Variants in SLC66A2 observed in about 807,000 individuals in gnomAD.
SLC66A2 encodes the protein PQ loop repeat containing 1.
In SLC66A2, 23 loss-of-function variants were observed where a neutral mutation model predicts 25.5. The observed-to-expected ratio is 0.90, with a 90% CI of 0.65 to 1.28. SLC66A2 has a LOEUF of 1.28. Among genes scored for constraint, SLC66A2 ranks in the 50% most tolerant of loss-of-function variants. SLC66A2 has a pLI of 0.00. For missense variants in SLC66A2, 396 were observed against 373.1 expected (o/e 1.06, Z -0.51); for synonymous variants, 193 against 166.5 (o/e 1.16, Z -1.23).
Position 79,950,893 on chromosome 18 carries a change from GCACCAGGAGC to G in SLC66A2, c.24_33del (p.Trp8CysfsTer74). On this transcript the variant is annotated frameshift_variant, in exon 2 of 6. Coordinates refer to ENST00000397778, the MANE Select transcript of SLC66A2 (RefSeq NM_025078.5). LOFTEE classifies it high-confidence loss of function. ...CCCCAGGACACCAGCTGGTGCAGTG[GCACCAGGAGC>G]CAGTCCAGGCCCTCGGCCTCCATCG... 6.3e-7 allele frequency: 1 copy of G among 1,596,092 alleles called. No homozygotes were observed. The highest frequency in any genetic ancestry group is 1.1e-5 in the South Asian group (1 of 89,216).
At chr18:79,913,811 C>A (rs1165009491) in intron 5 of SLC66A2, among the ~76,000 whole-genome samples, 1 of 152,210 alleles carries the variant, frequency 6.6e-6, no homozygotes, top group Non-Finnish European at 1.5e-5. Flanking sequence ...AGCATCTACG[C>A]CTCCCTCACC....
In SLC66A2 at chr18:79,919,263, G is replaced by A; in HGVS notation, c.529C>T (p.Leu177=). The A allele has an allele frequency of 1.9e-6, 3 of 1,613,332 alleles. No homozygotes were observed. The highest frequency in any genetic ancestry group is 2.5e-6 in the Non-Finnish European group (3 of 1,180,022). The change falls in exon 5 of 6, where the codon CTG becomes TTG. Residue 177 remains leucine (L), a synonymous_variant. Coordinates refer to ENST00000397778, the MANE Select transcript of SLC66A2 (RefSeq NM_025078.5). ...AGCATGGCTTCGGTCAGCACAGCCA[G>A]GAAGCCCAGGGTCTCCACAAACAGG... ...SALFVETLGF[L]AVLTEAMLGV... is the part of the protein sequence containing the mutation.
intron 5 of SLC66A2, among the ~76,000 whole-genome samples, chr18:79,908,645 A>C (rs1455449534): frequency 6.6e-6 from 1 of 152,160 alleles, no homozygotes; most frequent in Non-Finnish European, 1.5e-5. Context: ...AGATGACAGA[A>C]TATTAGACCC....
At chr18:79,951,242 C>A (rs2051115115) in intron 1 of SLC66A2, among the ~76,000 whole-genome samples, 2 of 151,258 alleles carry the variant, frequency 1.3e-5, no homozygotes, top group Non-Finnish European at 1.5e-5. Context: ...GCGCCGGGGT[C>A]GAGGACGGGC....
intron 3 of SLC66A2, among the ~76,000 whole-genome samples, chr18:79,938,222 C>T (rs1987302057): frequency 6.6e-6 from 1 of 152,084 alleles, no homozygotes; most frequent in African/African-American, 2.4e-5. Flanking sequence ...GGTCCAATCA[C>T]CCTCGGGACT....
chr18:79,950,813 C>T lies in SLC66A2; in HGVS notation c.114G>A (p.Arg38=). 1.9e-6 allele frequency: 3 copies of T among 1,613,000 alleles called. No individual in the cohort carries two copies. Among genetic ancestry groups the T allele is most frequent in the South Asian group, 1.1e-5 (1 of 91,076 alleles). Residue 38 remains arginine (R), a synonymous_variant, in exon 2 of 6, where the codon CGG becomes CGA. Transcript: ENST00000397778. ...GGVVPYVPQY[R]DIRRTQNADG... ...CGGCGTTCTGCGTCCTGCGAATGTC[C>T]CGATACTGCGGGACGTAGGGCACCA... is the stretch of plus-strand genomic sequence containing the variant.
At chr18:79,911,746 A>AGGGGACGGGAGCG (rs1464557579) in intron 5 of SLC66A2, among the ~76,000 whole-genome samples, 1 of 151,404 alleles carries the variant, frequency 6.6e-6, no homozygotes, top group African/African-American at 2.4e-5. Context: ...GGACGGGAGC[A>AGGGGACGGGAGCG]GGGAGGGGAC....
chr18:79,933,847 G>T, intron 4 of SLC66A2, 122 bp downstream of exon 4: 1 of 825,344 alleles, frequency 1.2e-6, no homozygotes, highest in Non-Finnish European at 2.0e-6. Flanking sequence ...TGTAGACTCG[G>T]CCACGCTTGG....
At chr18:79,925,786 TG>T (rs1985882372) in intron 4 of SLC66A2, among the ~76,000 whole-genome samples, 3 of 152,144 alleles carry the variant, frequency 2.0e-5, no homozygotes, top group Admixed American at 6.5e-5. Flanking sequence ...GAGAGCCTGG[TG>T]TAAGAGGATC....
At position 79,934,009 on chromosome 18, in the gene SLC66A2, C is replaced by A. The variant is rs1986830727; in HGVS notation, c.351G>T (p.Lys117Asn). ...RRRSFTAADS[K>N]DEEVKVAPRR... The stretch of plus-strand genomic sequence containing the variant: ...TGGGGGCAACCTTGACTTCTTCATC[C>A]TTGCTATCTGCAGCTACACGTTAAA... The change falls in exon 4 of 6, where the codon AAG (lysine) becomes AAT (asparagine). Residue 117 changes from lysine to asparagine, a missense_variant. Transcript: ENST00000397778. The A allele has an allele frequency of 1.1e-5, 18 of 1,612,582 alleles. No homozygotes were observed. Among genetic ancestry groups the A allele is most frequent in the Non-Finnish European group, 1.5e-5 (18 of 1,179,646 alleles).
rs1391937335 is a variant in SLC66A2 at position 79,941,887 on chromosome 18, G to C, written c.337+1442C>G. 6.6e-6 allele frequency: 1 copy of C among 151,808 alleles called. No homozygotes were observed. The highest frequency in any genetic ancestry group is 2.4e-5 in the African/African-American group (1 of 41,296). The allele number at this position is 151,808 out of a possible 1,614,324, so 9.4% of individuals were successfully genotyped here. A position where few individuals can be genotyped will look rare whatever the true frequency, so the allele number is the denominator to read the frequency against. On this transcript the variant is annotated intron_variant, in intron 3 of 5. Transcript: ENST00000397778. This position sits in a 1 kb window ranked among gnomAD's most constrained non-coding sequence, Gnocchi z 4.1. Reference sequence around the variant, plus strand: ...TGGGCATCTTAGGCACAAATGTCCAGAGCCCGAGGACAGCAGAAACTCCCA... The same window carrying C: ...TGGGCATCTTAGGCACAAATGTCCACAGCCCGAGGACAGCAGAAACTCCCA...
Position 79,904,765 on chromosome 18 carries a change from A to G in SLC66A2, c.609-582T>C, listed in dbSNP as rs1048523360. On this transcript the variant is annotated intron_variant, in intron 5 of 5. Transcript: ENST00000397778. This position sits in a 1 kb window ranked among gnomAD's most constrained non-coding sequence, Gnocchi z 6.3. ...GAACAGGGAGCAGCCGCCACCCACC[A>G]TCCCAGTCCGAACACGCTTCCCCCA... 6.6e-6 allele frequency among the ~76,000 whole-genome samples: 1 copy of G among 152,132 alleles called. No homozygotes were observed. The highest frequency in any genetic ancestry group is 2.4e-5 in the African/African-American group (1 of 41,414).
intron 2 of SLC66A2, among the ~76,000 whole-genome samples, chr18:79,944,890 G>C (rs12959229): frequency 4.9e-5 from 1 of 20,524 alleles, no homozygotes; most frequent in African/African-American, 9.8e-5. Flanking sequence ...ACCCCTTATC[G>C]ACTCAGAGCA....
At chr18:79,908,026 T>C (rs533324899) in intron 5 of SLC66A2, among the ~76,000 whole-genome samples, 55 of 152,262 alleles carry the variant, frequency 3.6e-4, no homozygotes, top group Middle Eastern at 3.4e-3. Flanking sequence ...CTCTTTTACA[T>C]TGGACTTGTC....
intron 5 of SLC66A2, among the ~76,000 whole-genome samples, chr18:79,910,833 C>G (rs1489816379): frequency 6.6e-6 from 1 of 152,238 alleles, no homozygotes; most frequent in Non-Finnish European, 1.5e-5. Flanking sequence ...TCCCTCCTCA[C>G]ACAGCGGCCA....
At chr18:79,924,173 A>T (rs1439542633) in intron 4 of SLC66A2, among the ~76,000 whole-genome samples, 1 of 152,196 alleles carries the variant, frequency 6.6e-6, no homozygotes, top group Non-Finnish European at 1.5e-5. Context: ...GCACGAGGCG[A>T]GGCAGCTGAG....
At chr18:79,936,257 GCGAGCC>G (rs1987077176) in intron 3 of SLC66A2, among the ~76,000 whole-genome samples, 1 of 152,200 alleles carries the variant, frequency 6.6e-6, no homozygotes, top group Admixed American at 6.5e-5. Flanking sequence ...AGTGGCCCAG[GCGAGCC>G]CCCAATGGGA....
Position 79,903,956 on chromosome 18 carries a change from C to T in SLC66A2, c.*20G>A, listed in dbSNP as rs921354274. ...CCAGTGCCCGCGGCTGGCGGTCCCACATCCTCGTCCTCCCCACTGTCAGAG... is the reference window on the plus strand; with the variant it reads ...CCAGTGCCCGCGGCTGGCGGTCCCATATCCTCGTCCTCCCCACTGTCAGAG... On this transcript the variant is annotated 3_prime_UTR_variant, in exon 6 of 6. Coordinates refer to ENST00000397778, the MANE Select transcript of SLC66A2 (RefSeq NM_025078.5). 1.5e-5 allele frequency: 23 copies of T among 1,578,204 alleles called. No homozygotes were observed. Among genetic ancestry groups the T allele is most frequent in the Non-Finnish European group, 1.9e-5 (22 of 1,164,834 alleles).
chr18:79,950,254 G>C (rs183109284), intron 2 of SLC66A2, among the ~76,000 whole-genome samples: 2 of 152,214 alleles, frequency 1.3e-5, no homozygotes, highest in Admixed American at 6.5e-5. Context: ...AGCTACTCGG[G>C]AGGCTGAGAT....
Sources: allele counts gnomAD v4.1 joint callset (sites outside exome capture counted in the v4.1 genomes callset), GRCh38; gene constraint gnomAD v4.1.1; non-coding constraint Gnocchi (gnomAD v3.1); transcripts MANE v1.5; gene names NCBI Gene and HGNC (gene_info 2026-07-23, HGNC 2026-07-21).